Variants in DOCK1 observed in about 807,000 individuals in gnomAD.
DOCK1 encodes the protein dedicator of cytokinesis 1, also known as dedicator of cytokinesis protein 1.
Under a neutral mutation model 262.7 loss-of-function variants are expected in DOCK1, and 138 were observed. That is an observed-to-expected ratio of 0.53 (90% CI 0.46 to 0.61). The LOEUF is 0.61. DOCK1 is among the 20% of genes least tolerant of loss of function. The pLI is 0.00. For missense variants in DOCK1, 1,908 were observed against 2,370.7 expected, an observed-to-expected ratio of 0.80 and a Z score of 4.05; for synonymous variants, 866 against 867.4, an observed-to-expected ratio of 1.00 and a Z score of 0.03.
chr10:127,136,239 CA>C (rs1240519567), intron 27 of DOCK1: 1 of 151,914 alleles, frequency 6.6e-6, no homozygotes, highest in Non-Finnish European at 1.5e-5. Context: ...CTTGTAGAAT[CA>C]AAACACTTAG....
At chr10:127,258,707 G>A (rs983559601) in intron 29 of DOCK1, among the ~76,000 whole-genome samples, 1 of 152,210 alleles carries the variant, frequency 6.6e-6, no homozygotes, top group Non-Finnish European at 1.5e-5. Flanking sequence ...TCGTGACGTA[G>A]GAAACTGCCA....
chr10:127,018,484 CTG>C (rs1396361879), intron 12 of DOCK1: 1 of 586,060 alleles, frequency 1.7e-6, no homozygotes, highest in African/African-American at 1.9e-5. Context: ...GTTCAGCTGT[CTG>C]TGAGTCACCC....
At chr10:127,113,938 GAC>G (rs771883259) in intron 25 of DOCK1, among the ~76,000 whole-genome samples, 25 of 152,306 alleles carry the variant, frequency 1.6e-4, no homozygotes, top group Non-Finnish European at 2.9e-4. Flanking sequence ...CATCCTTACA[GAC>G]ACACTCAGAA....
intron 49 of DOCK1, among the ~76,000 whole-genome samples, chr10:127,442,958 G>A (rs929815025): frequency 6.6e-6 from 1 of 152,370 alleles, no homozygotes; most frequent in African/African-American, 2.4e-5. Flanking sequence ...TCGTGTGGGG[G>A]AGGTCTGCTG....
At chr10:127,290,676 C>T (rs1351858212) in intron 29 of DOCK1, among the ~76,000 whole-genome samples, 1 of 152,180 alleles carries the variant, frequency 6.6e-6, no homozygotes, top group East Asian at 1.9e-4. Context: ...TGGGCTCATA[C>T]AGTAGGTAAC....
At chr10:127,248,675 A>G (rs572616298) in intron 28 of DOCK1, among the ~76,000 whole-genome samples, 1 of 152,342 alleles carries the variant, frequency 6.6e-6, no homozygotes, top group East Asian at 1.9e-4. Context: ...TTACATTGCC[A>G]TATGGCAAAT....
At chr10:127,027,705 T>C (rs1279822769) in intron 16 of DOCK1, among the ~76,000 whole-genome samples, 1 of 152,128 alleles carries the variant, frequency 6.6e-6, no homozygotes, top group Non-Finnish European at 1.5e-5. Context: ...AGGGGCTCCA[T>C]TGTAGTTGCT....
At chr10:126,976,337 A>G (rs2038539450) in intron 2 of DOCK1, among the ~76,000 whole-genome samples, 1 of 152,196 alleles carries the variant, frequency 6.6e-6, no homozygotes, top group Non-Finnish European at 1.5e-5. Flanking sequence ...AAGAGAGTGA[A>G]ATGAGTTCAG....
intron 27 of DOCK1, among the ~76,000 whole-genome samples, chr10:127,129,953 C>T (rs1006714590): frequency 2.6e-5 from 4 of 151,868 alleles, no homozygotes; most frequent in African/African-American, 9.7e-5. Context: ...TTGGTCCTCT[C>T]TCTCCGATTA....
chr10:126,947,281 A>G lies in DOCK1; in HGVS notation c.47-23421A>G, dbSNP rs938530931. On this transcript the variant is annotated intron_variant, in intron 1 of 51. Transcript: ENST00000623213. ...GTTGGTAGTACTACTGTTGGTGGTG[A>G]TGGTGGTGGTTGGTAGTATTACTGT... 6.1e-4 allele frequency among the ~76,000 whole-genome samples: 86 copies of G among 141,410 alleles called. 1 individual carries two copies. Among genetic ancestry groups the G allele is most frequent in the South Asian group, 1.7e-3 (7 of 4,132 alleles). 92.8% of individuals were successfully genotyped at this position (141,410 alleles called of 152,430 possible). A position where few individuals can be genotyped will look rare whatever the true frequency, so the allele number is the denominator to read the frequency against.
intron 47 of DOCK1, among the ~76,000 whole-genome samples, chr10:127,428,050 C>G (rs1166180751): frequency 6.6e-6 from 1 of 152,206 alleles, no homozygotes; most frequent in African/African-American, 2.4e-5. Context: ...AGTCAGAATG[C>G]TAGAGTAGCG....
At chr10:127,055,971 G>C (rs2045114098) in intron 22 of DOCK1, among the ~76,000 whole-genome samples, 1 of 152,180 alleles carries the variant, frequency 6.6e-6, no homozygotes, top group Non-Finnish European at 1.5e-5. Context: ...GGACCCAGCA[G>C]GAGCCAGGCA....
Position 127,127,783 on chromosome 10 carries a change from A to G in DOCK1, c.2847+19A>G. 6.3e-7 allele frequency: 1 copy of G among 1,598,622 alleles called. No homozygotes were observed. On this transcript the variant is annotated intron_variant, in intron 27 of 51. Coordinates refer to ENST00000623213, the MANE Select transcript of DOCK1 (RefSeq NM_001290223.2). ...ACTCATTGTAAGTGCTTGGTGACATATGTTTGGATATTTAACTGGGGCTGA... is the reference window on the plus strand; with the variant it reads ...ACTCATTGTAAGTGCTTGGTGACATGTGTTTGGATATTTAACTGGGGCTGA...
At chr10:127,215,167 C>T (rs931969687) in intron 27 of DOCK1, among the ~76,000 whole-genome samples, 2 of 152,164 alleles carry the variant, frequency 1.3e-5, no homozygotes, top group Middle Eastern at 3.2e-3. Context: ...AGCCACGTTC[C>T]ACACCCAATG....
At chr10:127,330,109 CTT>C (rs1384386056) in intron 29 of DOCK1, among the ~76,000 whole-genome samples, 1 of 152,160 alleles carries the variant, frequency 6.6e-6, no homozygotes, top group African/African-American at 2.4e-5. Flanking sequence ...ATTTTAAGGT[CTT>C]TTCAATCAAC....
intron 23 of DOCK1, among the ~76,000 whole-genome samples, chr10:127,092,243 A>G (rs1243813673): frequency 2.0e-5 from 3 of 152,210 alleles, no homozygotes; most frequent in Non-Finnish European, 4.4e-5. Flanking sequence ...CCCAGTGCAC[A>G]GAGGAGGATG....
intron 23 of DOCK1, among the ~76,000 whole-genome samples, chr10:127,099,412 G>T (rs757572046): frequency 6.6e-6 from 1 of 152,140 alleles, no homozygotes; most frequent in Non-Finnish European, 1.5e-5. Flanking sequence ...CTTTTGCGTT[G>T]CTATAAAGGA....
chr10:127,012,514 G>C lies in DOCK1; in HGVS notation c.1201+140G>C. 1.3e-6 allele frequency: 1 copy of C among 749,088 alleles called. No individual in the cohort carries two copies. The highest frequency in any genetic ancestry group is 2.3e-6 in the Non-Finnish European group (1 of 440,790). The allele number at this position is 749,088 out of a possible 1,614,324, so 46.4% of individuals were successfully genotyped here. A position where few individuals can be genotyped will look rare whatever the true frequency, so the allele number is the denominator to read the frequency against. ...TGACAGTGATCGTGGTGGAGAATGT[G>C]TGTGACAGTTGCCCCTGTGTACAGT... On this transcript the variant is annotated intron_variant, in intron 12 of 51. Coordinates refer to ENST00000623213, the MANE Select transcript of DOCK1 (RefSeq NM_001290223.2). This position sits in a 1 kb window ranked among gnomAD's most constrained non-coding sequence, Gnocchi z 4.0.
At chr10:127,423,549 C>T (rs184016329) in intron 46 of DOCK1, among the ~76,000 whole-genome samples, 1 of 152,198 alleles carries the variant, frequency 6.6e-6, no homozygotes, top group African/African-American at 2.4e-5. Flanking sequence ...CATCTTTCTC[C>T]ATACACAGCT....
Sources: allele counts gnomAD v4.1 joint callset (sites outside exome capture counted in the v4.1 genomes callset), GRCh38; gene constraint gnomAD v4.1.1; non-coding constraint Gnocchi (gnomAD v3.1); transcripts MANE v1.5; gene names NCBI Gene and HGNC (gene_info 2026-07-23, HGNC 2026-07-21).